The following RAB38 variants were observed in gnomAD, a reference collection of about 807,000 sequenced individuals.
RAB38 encodes ras-related protein Rab-38.
RAB38 carries 15 observed loss-of-function variants against 18.4 expected under a neutral mutation model. The observed-to-expected ratio is 0.82, with a 90% CI of 0.55 to 1.26. The LOEUF (loss-of-function observed/expected upper bound fraction) is 1.26. Among genes scored for constraint, RAB38 ranks in the 50% most tolerant of loss-of-function variants. The probability of loss-of-function intolerance (pLI) is 0.00; values close to 1 mark genes in which losing one functional copy is unlikely to be tolerated. For missense variants in RAB38, 294 were observed against 267.4 expected (o/e 1.10, Z -0.69); for synonymous variants, 101 against 104.4 (o/e 0.97, Z 0.20).
At chr11:87,957,349 G>A in the RAB38 span, among the ~76,000 whole-genome samples, 1,122 of 151,678 alleles carry the variant, frequency 7.4e-3, 14 homozygotes, top group African/African-American at 0.026. Flanking sequence ...TTTCTCATCC[G>A]TCATAAGGGT....
chr11:88,071,143 A>G, the RAB38 span, among the ~76,000 whole-genome samples: 2 of 152,086 alleles, frequency 1.3e-5, no homozygotes, highest in African/African-American at 4.8e-5. Flanking sequence ...GCAAGCATGC[A>G]GGTTCTGATC....
the RAB38 span, among the ~76,000 whole-genome samples, chr11:87,963,505 C>G: frequency 2.0e-5 from 3 of 152,012 alleles, no homozygotes; most frequent in East Asian, 5.8e-4. Context: ...TGGGACAGAA[C>G]ACTCAAAAGT....
At chr11:88,095,471 G>A in the RAB38 span, among the ~76,000 whole-genome samples, 1 of 151,836 alleles carries the variant, frequency 6.6e-6, no homozygotes, top group Admixed American at 6.6e-5. Flanking sequence ...CTTCTAGGAA[G>A]TCACTCTGTT....
chr11:88,082,218 A>G, the RAB38 span, among the ~76,000 whole-genome samples: 2 of 151,964 alleles, frequency 1.3e-5, no homozygotes, highest in Admixed American at 6.6e-5. Context: ...AATAGTTTAG[A>G]CCAATCAATG....
chr11:87,864,970 A>G, the RAB38 span, among the ~76,000 whole-genome samples: 2 of 151,800 alleles, frequency 1.3e-5, no homozygotes, highest in Non-Finnish European at 2.9e-5. Flanking sequence ...TTGATTGAGT[A>G]AACAGGACCA....
At chr11:87,941,226 T>TAC in the RAB38 span, among the ~76,000 whole-genome samples, 1 of 118,270 alleles carries the variant, frequency 8.5e-6, no homozygotes, top group Admixed American at 9.0e-5. Flanking sequence ...TATATATATA[T>TAC]ATATATATAT....
chr11:87,887,202 G>C, the RAB38 span, among the ~76,000 whole-genome samples: 1 of 151,880 alleles, frequency 6.6e-6, no homozygotes, highest in Non-Finnish European at 1.5e-5. Context: ...TCCAATTATT[G>C]CAGTGAGTGG....
chr11:87,872,132 C>A, the RAB38 span, among the ~76,000 whole-genome samples: 1 of 151,588 alleles, frequency 6.6e-6, no homozygotes, highest in African/African-American at 2.4e-5. Context: ...TCTTCACTGA[C>A]ACTTGTTTGT....
chr11:87,898,927 G>C, the RAB38 span, among the ~76,000 whole-genome samples: 1 of 151,620 alleles, frequency 6.6e-6, no homozygotes, highest in Non-Finnish European at 1.5e-5. Flanking sequence ...GAGCTTCACT[G>C]CTTCTTGTTA....
chr11:88,085,733 C>A, the RAB38 span, among the ~76,000 whole-genome samples: 10 of 151,882 alleles, frequency 6.6e-5, no homozygotes, highest in African/African-American at 1.7e-4. Context: ...ATGTGTTGTC[C>A]ATGGTTGCCT....
the RAB38 span, among the ~76,000 whole-genome samples, chr11:87,884,160 C>A: frequency 1.2e-3 from 188 of 151,998 alleles, 1 homozygote; most frequent in Non-Finnish European, 2.3e-3. Flanking sequence ...AGATTAGATA[C>A]CTGTAGGTCA....
the RAB38 span, among the ~76,000 whole-genome samples, chr11:88,102,640 T>A: frequency 6.6e-6 from 1 of 152,058 alleles, no homozygotes; most frequent in Non-Finnish European, 1.5e-5. Flanking sequence ...CAACCAGCAG[T>A]CTCTGCCACA....
the RAB38 span, among the ~76,000 whole-genome samples, chr11:88,076,980 G>T: frequency 1.6e-5 from 1 of 62,564 alleles, no homozygotes. Context: ...AAAAAAGAAA[G>T]AAAGAAAGAA....
chr11:87,861,014 A>G, the RAB38 span, among the ~76,000 whole-genome samples: 15 of 151,996 alleles, frequency 9.9e-5, no homozygotes, highest in Non-Finnish European at 2.1e-4. Context: ...CTTTGCTGGA[A>G]GAAAGGTGAA....
the RAB38 span, among the ~76,000 whole-genome samples, chr11:87,961,768 TAC>T: frequency 6.6e-6 from 1 of 152,170 alleles, no homozygotes. Flanking sequence ...GACCAAATAC[TAC>T]ACTCTTGGGA....
At chr11:88,091,992 G>C in the RAB38 span, among the ~76,000 whole-genome samples, 2 of 151,834 alleles carry the variant, frequency 1.3e-5, no homozygotes, top group African/African-American at 2.4e-5. Flanking sequence ...ATAATTTTTG[G>C]GTCATTGCCA....
At chr11:87,919,145 A>G in the RAB38 span, among the ~76,000 whole-genome samples, 1 of 151,986 alleles carries the variant, frequency 6.6e-6, no homozygotes, top group Non-Finnish European at 1.5e-5. Context: ...TCTTGACATC[A>G]TTGTCAAAAA....
chr11:88,025,651 G>A, the RAB38 span, among the ~76,000 whole-genome samples: 19 of 152,180 alleles, frequency 1.2e-4, no homozygotes, highest in South Asian at 3.3e-3. Context: ...TTTTTCATAT[G>A]TATGTTGGCT....
At chr11:87,953,178 C>A in the RAB38 span, among the ~76,000 whole-genome samples, 1 of 151,980 alleles carries the variant, frequency 6.6e-6, no homozygotes, top group Admixed American at 6.6e-5. Flanking sequence ...AATATACAAG[C>A]TAGATAAAGT....
Sources: allele counts gnomAD v4.1 joint callset (sites outside exome capture counted in the v4.1 genomes callset), GRCh38; gene constraint gnomAD v4.1.1; transcripts MANE v1.5; gene names NCBI Gene and HGNC (gene_info 2026-07-23, HGNC 2026-07-21).